The following ARMC2 variants were observed in gnomAD, a reference collection of about 807,000 sequenced individuals.
ARMC2 encodes armadillo repeat-containing protein 2.
In ARMC2, 67 loss-of-function variants were observed where a neutral mutation model predicts 90.3. The ratio of observed to expected loss-of-function variants is 0.74; its 90% CI spans 0.61 to 0.91. The LOEUF is 0.91. Among genes scored for constraint, ARMC2 ranks in the 40% least tolerant of loss-of-function variants. ARMC2 has a pLI of 0.00. For missense variants in ARMC2, 920 were observed against 1,030.9 expected (o/e 0.89, Z 1.47); for synonymous variants, 393 against 393.0 (o/e 1.00, Z 0.00).
chr6:109,040,615 A>G, the ARMC2 span, among the ~76,000 whole-genome samples: 1 of 152,042 alleles, frequency 6.6e-6, no homozygotes, highest in Non-Finnish European at 1.5e-5. Flanking sequence ...CTTCTTGAAA[A>G]CAAATGAACT....
Position 108,973,515 on chromosome 6 carries a change from C to G in ARMC2, c.*1C>G. The stretch of plus-strand genomic sequence containing the variant: ...ACCCCTGCCCATTCCCTCTTTCTAA[C>G]ATGATGCAGATTAACAGTAGAAACG... On this transcript the variant is annotated 3_prime_UTR_variant, in exon 18 of 18. Coordinates refer to ENST00000392644, the MANE Select transcript of ARMC2 (RefSeq NM_032131.6). 1 of 1,608,244 alleles carries G rather than the reference C, an allele frequency of 6.2e-7. No homozygotes were observed. The highest frequency in any genetic ancestry group is 8.5e-7 in the Non-Finnish European group (1 of 1,176,520).
chr6:108,880,984 T>C (rs1463727366), intron 5 of ARMC2, among the ~76,000 whole-genome samples: 2 of 152,060 alleles, frequency 1.3e-5, no homozygotes, highest in Non-Finnish European at 2.9e-5. Context: ...GCCTGCCCTG[T>C]AGCTGGGATT....
chr6:108,878,431 G>T (rs1170554266), intron 5 of ARMC2, among the ~76,000 whole-genome samples: 2 of 152,208 alleles, frequency 1.3e-5, no homozygotes, highest in African/African-American at 4.8e-5. Flanking sequence ...GGCCTTGCAG[G>T]CTTGTCCAGT....
the ARMC2 span, chr6:108,998,791 C>T: frequency 1.5e-5 from 24 of 1,578,478 alleles, no homozygotes; most frequent in Non-Finnish European, 1.9e-5. Flanking sequence ...TATTTTTGTA[C>T]TGGGGTGTGG....
the ARMC2 span, among the ~76,000 whole-genome samples, chr6:108,998,211 C>T: frequency 1.3e-5 from 2 of 152,212 alleles, no homozygotes; most frequent in Non-Finnish European, 2.9e-5. Context: ...AGTAGCCAAT[C>T]AATATTATTT....
chr6:108,933,353 A>T (rs1161950002), intron 11 of ARMC2, among the ~76,000 whole-genome samples: 1 of 151,958 alleles, frequency 6.6e-6, no homozygotes, highest in Non-Finnish European at 1.5e-5. Flanking sequence ...GGCCTTTCTG[A>T]TTCGGCTCTC....
chr6:108,855,010 T>C (rs1180140711), intron 2 of ARMC2, among the ~76,000 whole-genome samples: 1 of 152,236 alleles, frequency 6.6e-6, no homozygotes, highest in African/African-American at 2.4e-5. Context: ...TCAGATTGGC[T>C]TCTTTGACTT....
chr6:108,916,367 G>GCC (rs1773971002), intron 10 of ARMC2, among the ~76,000 whole-genome samples: 1 of 152,226 alleles, frequency 6.6e-6, no homozygotes, highest in African/African-American at 2.4e-5. Context: ...CTTCCACATG[G>GCC]CCAACATTGC....
rs118080193 is a variant in ARMC2 at position 108,940,266 on chromosome 6, G to A, written c.1596+3267G>A. 6.8e-3 allele frequency among the ~76,000 whole-genome samples: 1,039 copies of A among 152,244 alleles called. 4 individuals are homozygous for A. The highest frequency in any genetic ancestry group is 0.01 in the Non-Finnish European group (695 of 68,016). ...GGGTGACAGAGGAAGACTCTATCTC[G>A]GAAATCAAGGACATGGACACACATG... On this transcript the variant is annotated intron_variant, in intron 12 of 17. Transcript: ENST00000392644.
intron 16 of ARMC2, among the ~76,000 whole-genome samples, 160 bp from the exon 17 acceptor site, chr6:108,964,820 G>A (rs910078429): frequency 2.6e-5 from 4 of 151,822 alleles, no homozygotes; most frequent in African/African-American, 7.3e-5. Flanking sequence ...GTAGATTATT[G>A]CTACTTTATA....
the ARMC2 span, chr6:109,002,457 G>A: frequency 1.3e-6 from 1 of 789,406 alleles, no homozygotes; most frequent in East Asian, 2.7e-5. Flanking sequence ...TGTTTTGATG[G>A]TTTGTTTTCA....
chr6:108,938,915 A>G (rs1776204525), intron 12 of ARMC2, among the ~76,000 whole-genome samples: 1 of 152,180 alleles, frequency 6.6e-6, no homozygotes, highest in African/African-American at 2.4e-5. Context: ...CCAATATGAG[A>G]GACTAGAGAT....
In ARMC2 at chr6:108,854,340, A is replaced by G. The variant is rs1229385963; in HGVS notation, c.73A>G (p.Thr25Ala). 1 of 1,612,890 alleles carries G rather than the reference A, an allele frequency of 6.2e-7. No homozygotes were observed. Among genetic ancestry groups the G allele is most frequent in the Non-Finnish European group, 8.5e-7 (1 of 1,179,664 alleles). Reference protein sequence around the residue: ...FYQPSVSKQKTSAEIISEARN... With the variant: ...FYQPSVSKQKASAEIISEARN... ...TCAACCTTCAGTGTCCAAGCAGAAG[A>G]CCAGTGCAGAAATCATAAGTGAAGC... Residue 25 changes from threonine (T) to alanine (A), a missense_variant, in exon 2 of 18, where the codon ACC becomes GCC. Coordinates refer to ENST00000392644, the MANE Select transcript of ARMC2 (RefSeq NM_032131.6).
intron 13 of ARMC2, among the ~76,000 whole-genome samples, chr6:108,955,530 CA>C (rs1209540615): frequency 6.6e-6 from 1 of 152,096 alleles, no homozygotes; most frequent in Non-Finnish European, 1.5e-5. Flanking sequence ...TAGCAAGTGG[CA>C]AAGTCACCGG....
the ARMC2 span, among the ~76,000 whole-genome samples, chr6:109,020,187 T>C: frequency 6.6e-6 from 1 of 152,194 alleles, no homozygotes; most frequent in African/African-American, 2.4e-5. Context: ...TTCTTCTTTT[T>C]TTCTTTTTTT....
chr6:108,944,443 G>T (rs975604959), intron 12 of ARMC2, among the ~76,000 whole-genome samples: 29 of 152,178 alleles, frequency 1.9e-4, no homozygotes, highest in African/African-American at 6.5e-4. Flanking sequence ...CACTGATGAG[G>T]CTTCAAGCAC....
In ARMC2 at chr6:108,876,243, A is replaced by G. The variant is rs374086168; in HGVS notation, c.564A>G (p.Leu188=). Residue 188 remains leucine, a synonymous_variant, in exon 5 of 18, where the codon TTA becomes TTG. Transcript: ENST00000392644. ...CAAAATCAAATGCTATTTGCCACTT[A>G]AAGAGTCACCCACTTCAGCTAACTG... ...YLTKSNAICH[L]KSHPLQLTDD... 1.2e-5 allele frequency: 20 copies of G among 1,613,144 alleles called. No homozygotes were observed. The highest frequency in any genetic ancestry group is 1.7e-5 in the Non-Finnish European group (20 of 1,179,628).
the ARMC2 span, among the ~76,000 whole-genome samples, chr6:109,001,115 T>G: frequency 1.3e-5 from 2 of 152,328 alleles, no homozygotes; most frequent in African/African-American, 4.8e-5. Flanking sequence ...CTTCTTTTTC[T>G]GTTATACTTG....
the ARMC2 span, among the ~76,000 whole-genome samples, chr6:108,995,601 C>T: frequency 6.6e-6 from 1 of 152,198 alleles, no homozygotes; most frequent in African/African-American, 2.4e-5. Flanking sequence ...GCAATTTATA[C>T]CTTTCTTATA....
Sources: allele counts gnomAD v4.1 joint callset (sites outside exome capture counted in the v4.1 genomes callset), GRCh38; gene constraint gnomAD v4.1.1; transcripts MANE v1.5; gene names NCBI Gene and HGNC (gene_info 2026-07-23, HGNC 2026-07-21).